SGIP1: variants seen among roughly 807,000 people sequenced by gnomAD.
The protein encoded by SGIP1 is SH3-containing GRB2-like protein 3-interacting protein 1.
A neutral mutation model predicts 107.5 loss-of-function variants in SGIP1; 38 were observed. That is an observed-to-expected ratio of 0.35 (90% CI 0.27 to 0.46). The LOEUF is 0.46. Ranked by LOEUF, SGIP1 falls within the 20% of genes least tolerant of loss-of-function variation. SGIP1 has a pLI of 1.00. For missense variants in SGIP1, 929 were observed against 1,019.5 expected, an observed-to-expected ratio of 0.91 and a Z score of 1.21; for synonymous variants, 365 against 366.1, an observed-to-expected ratio of 1.00 and a Z score of 0.03.
intron 1 of SGIP1, among the ~76,000 whole-genome samples, chr1:66,619,025 C>G (rs2070213014): frequency 6.6e-6 from 1 of 152,180 alleles, no homozygotes; most frequent in African/African-American, 2.4e-5. Flanking sequence ...ACGTGAGGAA[C>G]AGATTGCATT....
rs79854226 is a variant in SGIP1, at chr1:66,558,125, C to A, written c.10+23757C>A. Among the ~76,000 whole-genome samples, 351 of 152,066 alleles carry A rather than the reference C, an allele frequency of 2.3e-3. 1 individual carries two copies. The highest frequency in any genetic ancestry group is 8.3e-3 in the African/African-American group (346 of 41,516). ...CACAGAGTCTTATTCACCATGAAGC[C>A]GTTATAGACCTGTTCCAATGACAAT... On this transcript the variant is annotated intron_variant, in intron 1 of 24. Transcript: ENST00000371037.
chr1:66,630,128 GAAGAC>G (rs1244639649), intron 2 of SGIP1, among the ~76,000 whole-genome samples: 9 of 152,166 alleles, frequency 5.9e-5, no homozygotes, highest in African/African-American at 2.2e-4. Context: ...CATCAGTCGA[GAAGAC>G]AAAGGATCAG....
intron 1 of SGIP1, among the ~76,000 whole-genome samples, chr1:66,606,884 G>A (rs1570499937): frequency 6.6e-6 from 1 of 152,230 alleles, no homozygotes; most frequent in East Asian, 1.9e-4. Flanking sequence ...GTTCTTGCCT[G>A]TATTTTATGA....
chr1:66,601,794 T>A (rs2065895063), intron 1 of SGIP1, among the ~76,000 whole-genome samples: 1 of 152,192 alleles, frequency 6.6e-6, no homozygotes, highest in Non-Finnish European at 1.5e-5. Flanking sequence ...CGCATTCAAT[T>A]TCATTTTTAG....
intron 1 of SGIP1, among the ~76,000 whole-genome samples, chr1:66,595,378 T>C (rs2064436390): frequency 6.6e-6 from 1 of 152,200 alleles, no homozygotes; most frequent in Non-Finnish European, 1.5e-5. Flanking sequence ...TCATACTTTT[T>C]ACTGGAAGTA....
chr1:66,600,585 G>A (rs1272241758), intron 1 of SGIP1, among the ~76,000 whole-genome samples: 1 of 152,180 alleles, frequency 6.6e-6, no homozygotes, highest in Non-Finnish European at 1.5e-5. Flanking sequence ...AGGGAATTCA[G>A]AGCAGAGAGA....
At chr1:66,673,136 A>G (rs1311691891) in intron 11 of SGIP1, 145 bp from the exon 12 acceptor site, 1 of 744,106 alleles carries the variant, frequency 1.3e-6, no homozygotes, top group African/African-American at 1.8e-5. Context: ...TCTAGCCCTA[A>G]CGGGGCTTGT....
intron 20 of SGIP1, among the ~76,000 whole-genome samples, chr1:66,731,972 G>A (rs2094033623): frequency 6.6e-6 from 1 of 152,266 alleles, no homozygotes; most frequent in South Asian, 2.1e-4. Context: ...GGCTTCTTGA[G>A]CATTTAAGAA....
rs1392783237 is a variant in SGIP1, at chr1:66,589,196, A to ATGTG, written c.11-36650_11-36649insGTGT. ...TATATATATATATATATATATATAT[A>ATGTG]TATATATATATATATATATATGTAA... On this transcript the variant is annotated intron_variant, in intron 1 of 24. Coordinates refer to ENST00000371037, the MANE Select transcript of SGIP1 (RefSeq NM_032291.4). Among the ~76,000 whole-genome samples, 37 of 55,258 alleles carry ATGTG rather than the reference A, an allele frequency of 6.7e-4. 1 individual carries two copies. The highest frequency in any genetic ancestry group is 4.6e-3 in the South Asian group (3 of 646). 36.3% of individuals were successfully genotyped at this position (55,258 alleles called of 152,430 possible). A position where few individuals can be genotyped will look rare whatever the true frequency, so the allele number is the denominator to read the frequency against.
intron 1 of SGIP1, among the ~76,000 whole-genome samples, chr1:66,587,808 T>TTCCTTACACACCTTTCCTTA: frequency 6.6e-6 from 1 of 152,176 alleles, no homozygotes; most frequent in South Asian, 2.1e-4. Flanking sequence ...TCAATCATCT[T>TTCCTTACACACCTTTCCTTA]CACAAAGGTA....
intron 1 of SGIP1, among the ~76,000 whole-genome samples, chr1:66,545,182 C>A (rs2056092197): frequency 6.6e-6 from 1 of 152,202 alleles, no homozygotes; most frequent in Non-Finnish European, 1.5e-5. Context: ...GTTTACCATG[C>A]TTCTAAGATG....
intron 6 of SGIP1, among the ~76,000 whole-genome samples, chr1:66,643,184 A>G (rs74087510): frequency 0.14 from 20,741 of 150,014 alleles, 1,455 homozygotes; most frequent in African/African-American, 0.16. Context: ...TGGGCAAAGC[A>G]TGTCACACTG....
chr1:66,722,022 AC>A (rs1189206657), intron 19 of SGIP1, among the ~76,000 whole-genome samples: 1 of 151,958 alleles, frequency 6.6e-6, no homozygotes, highest in Non-Finnish European at 1.5e-5. Flanking sequence ...CCCCAGCCTC[AC>A]CCCGTGGCCG....
chr1:66,602,263 C>G (rs1228140565), intron 1 of SGIP1, among the ~76,000 whole-genome samples: 1 of 152,180 alleles, frequency 6.6e-6, no homozygotes, highest in Non-Finnish European at 1.5e-5. Context: ...AGACCTGAAA[C>G]TCGACCCATG....
At chr1:66,641,690 T>C (rs2076828631) in intron 5 of SGIP1, among the ~76,000 whole-genome samples, 1 of 152,184 alleles carries the variant, frequency 6.6e-6, no homozygotes, top group Non-Finnish European at 1.5e-5. Context: ...TCACAATGCT[T>C]ACCATATAAT....
intron 15 of SGIP1, among the ~76,000 whole-genome samples, chr1:66,687,540 C>G (rs1276902090): frequency 6.6e-6 from 1 of 151,938 alleles, no homozygotes; most frequent in Non-Finnish European, 1.5e-5. Flanking sequence ...AGACTTTATG[C>G]AAAATGTGGG....
chr1:66,560,908 G>C (rs2058840569), intron 1 of SGIP1, among the ~76,000 whole-genome samples: 4 of 151,974 alleles, frequency 2.6e-5, no homozygotes, highest in Non-Finnish European at 5.9e-5. Flanking sequence ...TGTTAAGCGT[G>C]CATATAAAGA....
At chr1:66,578,980 T>C (rs944158443) in intron 1 of SGIP1, among the ~76,000 whole-genome samples, 5 of 152,050 alleles carry the variant, frequency 3.3e-5, no homozygotes, top group Admixed American at 1.3e-4. Context: ...CAACAGCAAG[T>C]CGAGAGAATT....
intron 6 of SGIP1, among the ~76,000 whole-genome samples, chr1:66,643,196 T>C (rs1393830611): frequency 6.9e-6 from 1 of 144,904 alleles, no homozygotes; most frequent in African/African-American, 2.6e-5. Context: ...GTCACACTGA[T>C]GCATTTAAAA....
Sources: gnomAD v4.1 joint callset for allele counts (sites outside exome capture counted in the v4.1 genomes callset) on GRCh38, gnomAD v4.1.1 for gene constraint, MANE v1.5 for transcripts, NCBI Gene and HGNC (gene_info 2026-07-23, HGNC 2026-07-21) for gene names.